The following ZNF791 variants were observed in gnomAD, a reference collection of about 807,000 sequenced individuals.
The protein encoded by ZNF791 is zinc finger protein 791.
Under a neutral mutation model 11.5 loss-of-function variants are expected in ZNF791, and 4 were observed. The observed-to-expected ratio is 0.35, with a 90% CI of 0.17 to 0.80. The LOEUF (loss-of-function observed/expected upper bound fraction) is 0.80. Among genes scored for constraint, ZNF791 ranks in the 30% least tolerant of loss-of-function variants. ZNF791 has a pLI of 0.53. For synonymous variants in ZNF791, 212 were observed against 228.1 expected, an observed-to-expected ratio of 0.93 and a Z score of 0.64; for missense variants, 559 against 699.4, an observed-to-expected ratio of 0.80 and a Z score of 2.26.
intron 1 of ZNF791, among the ~76,000 whole-genome samples, chr19:12,618,407 A>C (rs2023279892): frequency 6.6e-6 from 1 of 152,128 alleles, no homozygotes; most frequent in African/African-American, 2.4e-5. Context: ...GCTACTCAGG[A>C]GTCTGAGGCG....
chr19:12,614,922 T>TTTTTTTTTTTTTTTTA (rs2023221478), intron 1 of ZNF791, among the ~76,000 whole-genome samples: 1 of 135,100 alleles, frequency 7.4e-6, no homozygotes. Flanking sequence ...TTTTTTTTTT[T>TTTTTTTTTTTTTTTTA]TTTTTGATAC....
chr19:12,629,317 A>G lies in ZNF791; in HGVS notation c.*57A>G. 7.4e-7 allele frequency: 1 copy of G among 1,344,116 alleles called. No homozygotes were observed. The highest frequency in any genetic ancestry group is 9.9e-7 in the Non-Finnish European group (1 of 1,014,850). The allele number at this position is 1,344,116 out of a possible 1,614,324, so 83.3% of individuals were successfully genotyped here. ...TTTTCAATTCTAACAGATGCTTTCA[A>G]AGTTGTGAAAATTCCCACTGAAGAG... On this transcript the variant is annotated 3_prime_UTR_variant, in exon 4 of 4. Transcript: ENST00000343325.
chr19:12,610,954 G>A lies in ZNF791; in HGVS notation c.-126G>A. ...CTACGTCACTGTGCGATCGGGTTGT[G>A]CTTAGCTTGGGGTCTCCTGGCCCCT... On this transcript the variant is annotated 5_prime_UTR_variant, in exon 1 of 4. Coordinates refer to ENST00000343325, the MANE Select transcript of ZNF791 (RefSeq NM_153358.3). The A allele has an allele frequency of 1.5e-6, 2 of 1,324,608 alleles. No homozygotes were observed. The highest frequency in any genetic ancestry group is 2.3e-5 in the East Asian group (1 of 43,490). The allele number at this position is 1,324,608 out of a possible 1,614,324, so 82.1% of individuals were successfully genotyped here.
In ZNF791 at chr19:12,629,372, A is replaced by T. The variant is rs1391493641; in HGVS notation, c.*112A>T. 1.3e-6 allele frequency: 1 copy of T among 797,856 alleles called. No homozygotes were observed. Among genetic ancestry groups the T allele is most frequent in the Non-Finnish European group, 1.8e-6 (1 of 547,302 alleles). 49.4% of individuals were successfully genotyped at this position (797,856 alleles called of 1,614,324 possible). A position where few individuals can be genotyped will look rare whatever the true frequency, so the allele number is the denominator to read the frequency against. ...ATCCTGTCAATGTAAGTAATATAGA[A>T]AGCGAGATACAAGATGATTCATGTA... On this transcript the variant is annotated 3_prime_UTR_variant, in exon 4 of 4. Coordinates refer to ENST00000343325, the MANE Select transcript of ZNF791 (RefSeq NM_153358.3).
intron 1 of ZNF791, among the ~76,000 whole-genome samples, chr19:12,613,301 G>T (rs2023190193): frequency 1.3e-5 from 2 of 151,772 alleles, no homozygotes; most frequent in African/African-American, 4.8e-5. Flanking sequence ...GAATTTAAGG[G>T]CCCGGCACGG....
At chr19:12,623,875 G>GGGA in intron 2 of ZNF791, 49 bp downstream of exon 2, 2 of 992,616 alleles carry the variant, frequency 2.0e-6, no homozygotes, top group Non-Finnish European at 2.9e-6. Flanking sequence ...TTTTTTGGGG[G>GGGA]GGGACAGAGT....
At chr19:12,623,504 G>T in intron 1 of ZNF791, 196 bp from the exon 2 acceptor site, 1 of 600,408 alleles carries the variant, frequency 1.7e-6, no homozygotes. Context: ...CCATTAGAGA[G>T]CAATAGGACT....
At chr19:12,624,539 C>A (rs2023399433) in intron 2 of ZNF791, 111 bp from the exon 3 acceptor site, 4 of 772,294 alleles carry the variant, frequency 5.2e-6, no homozygotes, top group Admixed American at 3.3e-5. Flanking sequence ...GAAAAGGAAA[C>A]ACTTCTGTAA....
chr19:12,618,487 G>A (rs1038388934), intron 1 of ZNF791, among the ~76,000 whole-genome samples: 1 of 151,908 alleles, frequency 6.6e-6, no homozygotes, highest in African/African-American at 2.4e-5. Flanking sequence ...CTCTAGCCTG[G>A]GCAACAATGA....
intron 1 of ZNF791, chr19:12,612,412 TTATTTA>T (rs1377906477): frequency 1.3e-4 from 13 of 102,834 alleles, no homozygotes; most frequent in African/African-American, 4.0e-4. Context: ...CTTCCTTCCT[TTATTTA>T]TTTATTTATT....
intron 1 of ZNF791, among the ~76,000 whole-genome samples, chr19:12,619,639 CGGG>C (rs2023305317): frequency 6.6e-6 from 1 of 151,358 alleles, no homozygotes; most frequent in Non-Finnish European, 1.5e-5. Flanking sequence ...TTAGTAGAGA[CGGG>C]GTTTCACTGT....
rs2023458497 is a variant in ZNF791, at chr19:12,628,398, A to G, written c.869A>G (p.His290Arg). The change falls in exon 4 of 4, where the codon CAT (histidine) becomes CGT (arginine). Residue 290 changes from histidine (H) to arginine (R), a missense_variant. Coordinates refer to ENST00000343325, the MANE Select transcript of ZNF791 (RefSeq NM_153358.3). ...AFIFPSFLRV[H>R]ERIHTGEKPY... is the part of the protein sequence containing the mutation. ...ATTTTTCCCAGTTTTTTACGAGTAC[A>G]TGAAAGAATTCACACTGGAGAGAAA... 2 of 1,608,412 alleles carry G rather than the reference A, an allele frequency of 1.2e-6. No individual in the cohort carries two copies. The highest frequency in any genetic ancestry group is 8.5e-7 in the Non-Finnish European group (1 of 1,177,234).
intron 3 of ZNF791, among the ~76,000 whole-genome samples, chr19:12,625,104 A>G (rs2023406813): frequency 1.3e-5 from 2 of 150,940 alleles, no homozygotes; most frequent in Admixed American, 6.6e-5. Flanking sequence ...TTAGCTCCAA[A>G]TTTATTTATT....
chr19:12,628,188 A>G lies in ZNF791; in HGVS notation c.659A>G (p.Gln220Arg). 6.2e-7 allele frequency: 1 copy of G among 1,614,134 alleles called. No individual in the cohort carries two copies. The highest frequency in any genetic ancestry group is 8.5e-7 in the Non-Finnish European group (1 of 1,179,986). The change falls in exon 4 of 4, where the codon CAA (glutamine) becomes CGA (arginine). Residue 220 changes from glutamine to arginine, a missense_variant. Transcript: ENST00000343325. ...HTGEKPYECKQCGKAFSCSSS... is the reference protein window; with the variant it reads ...HTGEKPYECKRCGKAFSCSSS... ...GGAGAAAAGCCCTATGAATGTAAAC[A>G]ATGTGGGAAAGCCTTCAGTTGTTCC...
chr19:12,611,354 G>A (rs1309663676), intron 1 of ZNF791, among the ~76,000 whole-genome samples: 3 of 152,218 alleles, frequency 2.0e-5, no homozygotes, highest in Non-Finnish European at 4.4e-5. Flanking sequence ...TGTGGGAGGA[G>A]CTACAGTCTG....
At chr19:12,617,346 G>A (rs148944279) in intron 1 of ZNF791, among the ~76,000 whole-genome samples, 2,638 of 151,804 alleles carry the variant, frequency 0.017, 78 homozygotes, top group African/African-American at 0.059. Flanking sequence ...GGCTGGTCTC[G>A]AACTCCTGAC....
At position 12,627,842 on chromosome 19, in the gene ZNF791, T is replaced by A; in HGVS notation, c.313T>A (p.Cys105Ser). 6.2e-7 allele frequency: 1 copy of A among 1,614,210 alleles called. No homozygotes were observed. Among genetic ancestry groups the A allele is most frequent in the Non-Finnish European group, 8.5e-7 (1 of 1,180,034 alleles). Residue 105 changes from cysteine to serine, a missense_variant, in exon 4 of 4, where the codon TGT becomes AGT. Transcript: ENST00000343325. ...AGTAAAACCATATGAGTGTACTATC[T>A]GTGGAAAAGCCTTCATGCGTCTCTC... ...AGVKPYECTI[C>S]GKAFMRLSSL...
rs1011408540 is a variant in ZNF791, at chr19:12,630,738, A to G, written c.*1478A>G. On this transcript the variant is annotated 3_prime_UTR_variant, in exon 4 of 4. Transcript: ENST00000343325. ...TGATCCTCACCCCGTGTAGTCCTACACTAATGTGTGTTTGTGTCTTAGTTA... is the reference window on the plus strand; with the variant it reads ...TGATCCTCACCCCGTGTAGTCCTACGCTAATGTGTGTTTGTGTCTTAGTTA... 1 of 152,166 alleles carries G rather than the reference A, an allele frequency of 6.6e-6. No homozygotes were observed. Among genetic ancestry groups the G allele is most frequent in the Admixed American group, 6.6e-5 (1 of 15,258 alleles). The allele number at this position is 152,166 out of a possible 1,614,324, so 9.4% of individuals were successfully genotyped here.
In ZNF791 at chr19:12,627,786, C is replaced by A; in HGVS notation, c.257C>A (p.Pro86His). Reference sequence around the variant, plus strand: ...AGTCAATGTGCAGAAAACTTCAGTCCCAATCTCAGTGTGACGAAGAAGACT... The same window carrying A: ...AGTCAATGTGCAGAAAACTTCAGTCACAATCTCAGTGTGACGAAGAAGACT... ...EGSQCAENFS[P>H]NLSVTKKTAG... Residue 86 changes from proline (P) to histidine (H), a missense_variant, in exon 4 of 4, where the codon CCC becomes CAC. Physicochemically the swap from Pro to His is moderately conservative, Grantham distance 77. Coordinates refer to ENST00000343325, the MANE Select transcript of ZNF791 (RefSeq NM_153358.3). The A allele has an allele frequency of 1.2e-6, 2 of 1,614,056 alleles. No homozygotes were observed. The highest frequency in any genetic ancestry group is 1.7e-6 in the Non-Finnish European group (2 of 1,179,992).
Sources: gnomAD v4.1 joint callset for allele counts (sites outside exome capture counted in the v4.1 genomes callset) on GRCh38, gnomAD v4.1.1 for gene constraint, MANE v1.5 for transcripts, NCBI Gene and HGNC (gene_info 2026-07-23, HGNC 2026-07-21) for gene names.